LACTBL1: variants seen among roughly 807,000 people sequenced by gnomAD.
The protein encoded by LACTBL1 is beta-lactamase-like protein 1.
Under a neutral mutation model 39.6 loss-of-function variants are expected in LACTBL1, and 29 were observed. That is an observed-to-expected ratio of 0.73 (90% confidence interval 0.55 to 1.00). The LOEUF (loss-of-function observed/expected upper bound fraction) is 1.00, where lower values mean the gene tolerates loss of function less well. Ranked by LOEUF, LACTBL1 falls within the 50% of genes least tolerant of loss-of-function variation. LACTBL1 has a pLI of 0.00. For missense variants in LACTBL1, 711 were observed against 748.5 expected, an observed-to-expected ratio of 0.95 and a Z score of 0.59; for synonymous variants, 361 against 360.7, an observed-to-expected ratio of 1.00 and a Z score of -0.01.
chr1:22,958,943 G>T, intron 3 of LACTBL1, 23 bp from the exon 6 acceptor site: 1 of 1,499,138 alleles, frequency 6.7e-7, no homozygotes, highest in Non-Finnish European at 9.0e-7. Context: ...GGGAATACAA[G>T]CAGTCAAAGG....
chr1:22,961,090 T>C (rs1326965162), intron 2 of LACTBL1, among the ~76,000 whole-genome samples: 5 of 152,142 alleles, frequency 3.3e-5, no homozygotes, highest in South Asian at 2.1e-4. Context: ...TGAACATTTA[T>C]TGAAAATACC....
upstream of LACTBL1, among the ~76,000 whole-genome samples, chr1:22,966,005 T>C (rs1480526066): frequency 2.6e-5 from 4 of 152,224 alleles, no homozygotes; most frequent in Non-Finnish European, 5.9e-5. Context: ...GAAAATGTTC[T>C]AAAATTGATT....
chr1:22,959,335 CTAG>C (rs761309044), intron 3 of LACTBL1, among the ~76,000 whole-genome samples: 3 of 152,202 alleles, frequency 2.0e-5, no homozygotes, highest in Non-Finnish European at 4.4e-5. Context: ...GTCTACGTTC[CTAG>C]GAGGTGGTAA....
At chr1:22,972,199 C>T in the LACTBL1 span, 15 of 352,546 alleles carry the variant, frequency 4.3e-5, no homozygotes, top group Non-Finnish European at 4.3e-5. Context: ...ATGAAGGTAA[C>T]GTGGGGGGGA....
At chr1:22,960,704 C>T (rs1463388897) in intron 2 of LACTBL1, among the ~76,000 whole-genome samples, 1 of 151,376 alleles carries the variant, frequency 6.6e-6, no homozygotes, top group African/African-American at 2.4e-5. Context: ...TAGGCCTAGC[C>T]TGAACCCCTA....
chr1:22,953,798 C>T (rs1640734097), exon 6 of LACTBL1: 6 of 1,544,450 alleles, frequency 3.9e-6, no homozygotes, highest in South Asian at 1.2e-5. Flanking sequence ...TACATCTGGC[C>T]CGACGGCCGG....
upstream of LACTBL1, among the ~76,000 whole-genome samples, chr1:22,966,412 C>T (rs144882023): frequency 6.6e-6 from 1 of 152,348 alleles, no homozygotes; most frequent in East Asian, 1.9e-4. Context: ...TTCTGTCCTA[C>T]AAACGTGGTA....
chr1:22,956,718 C>T (rs1365020880), intron 4 of LACTBL1, among the ~76,000 whole-genome samples: 1 of 152,064 alleles, frequency 6.6e-6, no homozygotes, highest in African/African-American at 2.4e-5. Context: ...TTCCTGATCC[C>T]GCCCTGCCCA....
rs1640748654 is a variant in LACTBL1, at chr1:22,955,202, G to A, written c.659+119C>T. ...CTAGGTCTTGCCCTTTGCAGCTGGGGAGCAGGTCTCTCCCGGCTCTGCCAA... is the reference window on the plus strand; with the variant it reads ...CTAGGTCTTGCCCTTTGCAGCTGGGAAGCAGGTCTCTCCCGGCTCTGCCAA... On this transcript the variant is annotated intron_variant, in intron 5 of 5. Coordinates refer to ENST00000426928, the Ensembl canonical transcript of LACTBL1. 9.6e-6 allele frequency: 7 copies of A among 727,224 alleles called. No homozygotes were observed. In the Middle Eastern group the frequency reaches 1.1e-3, roughly 112 times the overall value. The allele number at this position is 727,224 out of a possible 1,614,324, so 45.0% of individuals were successfully genotyped here.
At position 22,960,116 on chromosome 1, in the gene LACTBL1, G is replaced by A. The variant is rs187974642; in HGVS notation, c.160-17C>T. On this transcript the variant is annotated splice_polypyrimidine_tract_variant and intron_variant, in intron 2 of 5. Transcript: ENST00000426928. Reference sequence around the variant, plus strand: ...CTGGTCCACCTTGAGGGAAAAGAACGGGTGCAGTGACAGGCCCCCCTGCCC... The same window carrying A: ...CTGGTCCACCTTGAGGGAAAAGAACAGGTGCAGTGACAGGCCCCCCTGCCC... The A allele has an allele frequency of 1.8e-4, 279 of 1,550,234 alleles. No homozygotes were observed. Among genetic ancestry groups the A allele is most frequent in the Admixed American group, 4.7e-4 (24 of 50,998 alleles).
Position 22,954,036 on chromosome 1 carries a change from G to A in LACTBL1, c.660-12C>T. 3 of 1,514,710 alleles carry A rather than the reference G, an allele frequency of 2.0e-6. No homozygotes were observed. The highest frequency in any genetic ancestry group is 2.7e-6 in the Non-Finnish European group (3 of 1,125,874). 93.8% of individuals were successfully genotyped at this position (1,514,710 alleles called of 1,614,324 possible). A position where few individuals can be genotyped will look rare whatever the true frequency, so the allele number is the denominator to read the frequency against. ...TGCTGTAATGGCATCTGGAAGGAGA[G>A]CAGTGGCAAGTGGGACGGGGCCCTT... On this transcript the variant is annotated splice_polypyrimidine_tract_variant and intron_variant, in intron 5 of 5. Transcript: ENST00000426928.
upstream of LACTBL1, among the ~76,000 whole-genome samples, chr1:22,967,055 A>C (rs1640887153): frequency 6.6e-6 from 1 of 152,172 alleles, no homozygotes; most frequent in African/African-American, 2.4e-5. Context: ...GCAACATAGT[A>C]AGACCCTTTC....
chr1:22,969,478 C>A (rs1640915981), upstream of LACTBL1, among the ~76,000 whole-genome samples: 1 of 152,158 alleles, frequency 6.6e-6, no homozygotes, highest in African/African-American at 2.4e-5. Context: ...ACCCTGCACT[C>A]TCTTCCACAA....
chr1:22,965,651 C>T (rs1228753933), upstream of LACTBL1, among the ~76,000 whole-genome samples: 1 of 152,112 alleles, frequency 6.6e-6, no homozygotes, highest in African/African-American at 2.4e-5. Flanking sequence ...TACCTTGTTC[C>T]CCTATGGACT....
At chr1:22,961,134 G>A (rs370357215) in intron 2 of LACTBL1, among the ~76,000 whole-genome samples, 6 of 152,162 alleles carry the variant, frequency 3.9e-5, no homozygotes, top group Non-Finnish European at 5.9e-5. Context: ...CAATGATGAC[G>A]ATAACAGCTG....
the LACTBL1 span, among the ~76,000 whole-genome samples, chr1:22,971,486 A>G: frequency 6.8e-6 from 1 of 146,658 alleles, no homozygotes; most frequent in African/African-American, 2.6e-5. Flanking sequence ...CCCAAACCCC[A>G]CCTATAACAC....
intron 4 of LACTBL1, 37 bp downstream of exon 6, chr1:22,958,648 A>G: frequency 6.8e-7 from 1 of 1,473,488 alleles, no homozygotes; most frequent in Non-Finnish European, 9.1e-7. Context: ...CCCACCTGAA[A>G]TGGTTTGGGT....
At chr1:22,954,416 C>A (rs187744373) in intron 5 of LACTBL1, among the ~76,000 whole-genome samples, 1 of 152,334 alleles carries the variant, frequency 6.6e-6, no homozygotes, top group East Asian at 1.9e-4. Flanking sequence ...GAGGCAAGGT[C>A]TCACCCCTCC....
chr1:22,968,225 A>G (rs1369227022), upstream of LACTBL1, among the ~76,000 whole-genome samples: 1 of 152,176 alleles, frequency 6.6e-6, no homozygotes, highest in Non-Finnish European at 1.5e-5. Flanking sequence ...TGTTGTATAA[A>G]CATACTGGGT....
Sources: gnomAD v4.1 joint callset for allele counts (sites outside exome capture counted in the v4.1 genomes callset) on GRCh38, gnomAD v4.1.1 for gene constraint, MANE v1.5 for transcripts, NCBI Gene and HGNC (gene_info 2026-07-23, HGNC 2026-07-21) for gene names.